The following CD96 variants were observed in gnomAD, a reference collection of about 807,000 sequenced individuals.
CD96 encodes the protein T-cell surface protein tactile.
In CD96, 70 loss-of-function variants were observed where a neutral mutation model predicts 71.3. That is an observed-to-expected ratio of 0.98 (90% confidence interval 0.81 to 1.20). The LOEUF (loss-of-function observed/expected upper bound fraction) is 1.20. CD96 is among the 50% of genes most tolerant of loss of function. CD96 has a pLI of 0.00. For missense variants in CD96, 742 were observed against 677.5 expected (o/e 1.10, Z -1.06); for synonymous variants, 248 against 233.0 (o/e 1.06, Z -0.59).
intron 12 of CD96, among the ~76,000 whole-genome samples, chr3:111,639,316 T>C (rs1939485813): frequency 6.6e-6 from 1 of 152,132 alleles, no homozygotes; most frequent in South Asian, 2.1e-4. Flanking sequence ...GAATGGCCTG[T>C]CAGTTTGTGT....
At chr3:111,633,354 C>G (rs1939165414) in intron 10 of CD96, among the ~76,000 whole-genome samples, 1 of 151,934 alleles carries the variant, frequency 6.6e-6, no homozygotes. Flanking sequence ...TCACAGATTA[C>G]CATAGTAGAT....
chr3:111,546,086 C>T (rs1209886894), intron 2 of CD96, among the ~76,000 whole-genome samples: 1 of 152,028 alleles, frequency 6.6e-6, no homozygotes, highest in Non-Finnish European at 1.5e-5. Flanking sequence ...AGGAGACCAC[C>T]TCAGTAGCCC....
At chr3:111,577,701 C>G in intron 3 of CD96, 1 of 708,260 alleles carries the variant, frequency 1.4e-6, no homozygotes. Context: ...TAAGTATATT[C>G]TGGAATTTTC....
Position 111,545,218 on chromosome 3 carries a change from C to T in CD96, c.234C>T (p.Tyr78=), listed in dbSNP as rs1459920983. 4 of 1,614,088 alleles carry T rather than the reference C, an allele frequency of 2.5e-6. No homozygotes were observed. The African/African-American group carries it at 4.0e-5, about 16-fold the overall frequency. ...IAVYHPQYGF[Y]CAYGRPCESL... ...TCTATCATCCCCAATACGGCTTCTACTGTGCCTATGGGAGACCCTGTGAGT... is the reference window on the plus strand; with the variant it reads ...TCTATCATCCCCAATACGGCTTCTATTGTGCCTATGGGAGACCCTGTGAGT... Residue 78 remains tyrosine, a synonymous_variant, in exon 2 of 14, where the codon TAC becomes TAT. Transcript: ENST00000352690.
intron 3 of CD96, among the ~76,000 whole-genome samples, chr3:111,574,451 A>G (rs1485628116): frequency 1.3e-5 from 2 of 152,224 alleles, no homozygotes; most frequent in Non-Finnish European, 2.9e-5. Context: ...AGCATTTCAG[A>G]TAAGGGTTAC....
chr3:111,659,652 G>A (rs927990629), intron 14 of CD96, among the ~76,000 whole-genome samples: 21 of 152,026 alleles, frequency 1.4e-4, no homozygotes, highest in African/African-American at 3.6e-4. Flanking sequence ...ACCAAATCTA[G>A]CAGCACATCA....
chr3:111,551,457 CTT>C (rs529657102), intron 2 of CD96, among the ~76,000 whole-genome samples: 2 of 152,220 alleles, frequency 1.3e-5, no homozygotes, highest in South Asian at 4.1e-4. Flanking sequence ...AGTTGACAAA[CTT>C]TTTCTCTGAA....
intron 10 of CD96, among the ~76,000 whole-genome samples, chr3:111,632,522 A>T (rs1559768440): frequency 6.6e-6 from 1 of 152,194 alleles, no homozygotes; most frequent in Non-Finnish European, 1.5e-5. Context: ...CTGCTGGTGG[A>T]AGTGTAAATT....
chr3:111,610,368 G>A lies in CD96; in HGVS notation c.1180+3576G>A, dbSNP rs116793743. Among the ~76,000 whole-genome samples, 1,051 of 152,322 alleles carry A rather than the reference G, an allele frequency of 6.9e-3. 4 individuals are homozygous for A. The highest frequency in any genetic ancestry group is 9.6e-3 in the Non-Finnish European group (652 of 68,034). On this transcript the variant is annotated intron_variant, in intron 8 of 13. Coordinates refer to ENST00000352690, the MANE Select transcript of CD96 (RefSeq NM_005816.5). ...TTTGCATGTTCTTTGAAGAAAGGAAGTGAGATGAAGTATGTCACGGAAACC... is the reference window on the plus strand; with the variant it reads ...TTTGCATGTTCTTTGAAGAAAGGAAATGAGATGAAGTATGTCACGGAAACC...
chr3:111,665,560 T>C (rs1940461938), exon 15 of CD96: 2 of 152,150 alleles, frequency 1.3e-5, no homozygotes, highest in Admixed American at 1.3e-4. Context: ...CTTCAATCAA[T>C]TTTCCTTTCT....
chr3:111,628,304 G>C (rs1157427393), intron 10 of CD96, among the ~76,000 whole-genome samples: 1 of 152,154 alleles, frequency 6.6e-6, no homozygotes, highest in Non-Finnish European at 1.5e-5. Flanking sequence ...GGAGTTGACA[G>C]CCTAAATAGC....
At chr3:111,574,636 C>T (rs1413798771) in intron 3 of CD96, among the ~76,000 whole-genome samples, 1 of 152,082 alleles carries the variant, frequency 6.6e-6, no homozygotes, top group Non-Finnish European at 1.5e-5. Context: ...TTTTATCAAG[C>T]TCCTATACAT....
intron 2 of CD96, among the ~76,000 whole-genome samples, chr3:111,557,722 GT>G (rs1373801493): frequency 1.4e-5 from 2 of 138,350 alleles, no homozygotes; most frequent in African/African-American, 2.7e-5. Context: ...CTTTAAAGTA[GT>G]TTTTTCCAAT....
chr3:111,644,779 C>T (rs951162183), intron 12 of CD96, among the ~76,000 whole-genome samples: 8 of 152,080 alleles, frequency 5.3e-5, no homozygotes, highest in South Asian at 2.1e-4. Context: ...CTCAACATCA[C>T]TAATAATCAG....
chr3:111,560,528 A>C (rs1225751748), intron 2 of CD96, among the ~76,000 whole-genome samples: 2 of 114,558 alleles, frequency 1.7e-5, no homozygotes, highest in African/African-American at 7.0e-5. Context: ...AGAATGTTGA[A>C]TATTGGCCCC....
intron 5 of CD96, among the ~76,000 whole-genome samples, chr3:111,588,384 G>A (rs1168525356): frequency 6.6e-6 from 1 of 152,114 alleles, no homozygotes; most frequent in Non-Finnish European, 1.5e-5. Flanking sequence ...CCTCGGCCTG[G>A]ACCTTATTGT....
At chr3:111,542,405 T>C in intron 1 of CD96, 96 bp downstream of exon 1, 4 of 939,246 alleles carry the variant, frequency 4.3e-6, no homozygotes, top group South Asian at 1.3e-5. Flanking sequence ...GCTGCTGAAA[T>C]TGATCACCAA....
chr3:111,591,618 C>CT (rs1559741402), intron 5 of CD96, among the ~76,000 whole-genome samples: 1 of 151,966 alleles, frequency 6.6e-6, no homozygotes, highest in Non-Finnish European at 1.5e-5. Flanking sequence ...TCTTTTGCAA[C>CT]ATAATAAGGT....
intron 2 of CD96, among the ~76,000 whole-genome samples, chr3:111,546,919 T>TACACACACACACACACACACACAC (rs60838213): frequency 0.018 from 2,445 of 138,084 alleles, 93 homozygotes; most frequent in Middle Eastern, 0.043. Context: ...CACAGACACA[T>TACACACACACACACACACACACAC]ACACACACAC....
Sources: allele counts gnomAD v4.1 joint callset (sites outside exome capture counted in the v4.1 genomes callset), GRCh38; gene constraint gnomAD v4.1.1; transcripts MANE v1.5; gene names NCBI Gene and HGNC (gene_info 2026-07-23, HGNC 2026-07-21).